UTRN: variants seen among roughly 807,000 people sequenced by gnomAD.
The protein encoded by UTRN is dystrophin-related protein 1.
Under a neutral mutation model 463.9 loss-of-function variants are expected in UTRN, and 283 were observed. The ratio of observed to expected loss-of-function variants is 0.61; its 90% confidence interval spans 0.55 to 0.67. UTRN has a LOEUF of 0.67. Among genes scored for constraint, UTRN ranks in the 30% least tolerant of loss-of-function variants. The probability of loss-of-function intolerance (pLI) is 0.00; values close to 1 mark genes in which losing one functional copy is unlikely to be tolerated. For missense variants in UTRN, 3,922 were observed against 4,084.3 expected, an observed-to-expected ratio of 0.96 and a Z score of 1.08; for synonymous variants, 1,442 against 1,431.5, an observed-to-expected ratio of 1.01 and a Z score of -0.17.
intron 54 of UTRN, among the ~76,000 whole-genome samples, chr6:144,732,277 T>TATATATATATACAC (rs1788740544): frequency 3.4e-4 from 30 of 88,754 alleles, no homozygotes; most frequent in Middle Eastern, 0.013. Flanking sequence ...TATATATATA[T>TATATATATATACAC]ACACACATAT....
chr6:144,364,466 T>G (rs1047560461), intron 2 of UTRN, among the ~76,000 whole-genome samples: 4 of 151,184 alleles, frequency 2.6e-5, no homozygotes, highest in African/African-American at 7.3e-5. Context: ...AATGTACTTA[T>G]AGCCAGCTGG....
chr6:144,823,669 CTA>C (rs1779786355), intron 66 of UTRN, among the ~76,000 whole-genome samples: 1 of 151,928 alleles, frequency 6.6e-6, no homozygotes, highest in Non-Finnish European at 1.5e-5. Flanking sequence ...AATTTTATAA[CTA>C]TGCAAAATTT....
intron 51 of UTRN, among the ~76,000 whole-genome samples, chr6:144,636,815 C>T (rs1156645330): frequency 1.3e-5 from 2 of 152,148 alleles, no homozygotes; most frequent in Non-Finnish European, 2.9e-5. Context: ...TTCTCTCTCT[C>T]ACTGGTCTTG....
At position 144,397,816 on chromosome 6, in the gene UTRN, C is replaced by G. The variant is rs1418737883; in HGVS notation, c.80-5307C>G. ...GGAAGTGCATTGAACACAGGCTCCA[C>G]AGTCAGTTAGACCTGGTTCTCTCTG... On this transcript the variant is annotated intron_variant, in intron 2 of 74. Transcript: ENST00000367545. 4 of 152,398 alleles carry G rather than the reference C, an allele frequency of 2.6e-5. No homozygotes were observed. The East Asian group carries it at 7.7e-4, about 29-fold the overall frequency. 9.4% of individuals were successfully genotyped at this position (152,398 alleles called of 1,614,324 possible).
chr6:144,479,104 G>A (rs964224790), intron 25 of UTRN, among the ~76,000 whole-genome samples: 2 of 146,218 alleles, frequency 1.4e-5, no homozygotes, highest in African/African-American at 5.1e-5. Context: ...CATTTTGATT[G>A]CTTCTAGGGG....
rs1357857237 is a variant in UTRN at position 144,462,882 on chromosome 6, A to C, written c.3066+16A>C. 3 of 1,582,698 alleles carry C rather than the reference A, an allele frequency of 1.9e-6. No homozygotes were observed. Among genetic ancestry groups the C allele is most frequent in the South Asian group, 1.2e-5 (1 of 84,952 alleles). ...AGCTTTTGAGGTAAATCCAGAGGCC[A>C]CTGGGAGTTTAAGTTTATTACGGGG... On this transcript the variant is annotated intron_variant, in intron 23 of 74. Transcript: ENST00000367545.
At chr6:144,507,676 C>T (rs984335441) in intron 34 of UTRN, among the ~76,000 whole-genome samples, 2 of 152,144 alleles carry the variant, frequency 1.3e-5, no homozygotes, top group East Asian at 1.9e-4. Flanking sequence ...CCAGCTGGAG[C>T]TCTCCTATAT....
At chr6:144,714,245 T>C (rs977407376) in intron 53 of UTRN, among the ~76,000 whole-genome samples, 3 of 152,230 alleles carry the variant, frequency 2.0e-5, no homozygotes, top group Non-Finnish European at 4.4e-5. Flanking sequence ...TTTTTTGCTG[T>C]CATTCTGTAA....
intron 2 of UTRN, among the ~76,000 whole-genome samples, chr6:144,373,324 T>C (rs1269674450): frequency 6.6e-6 from 1 of 152,046 alleles, no homozygotes; most frequent in East Asian, 1.9e-4. Flanking sequence ...TATAATGGAG[T>C]ATTATTCAGC....
At chr6:144,495,982 C>A (rs939034560) in intron 33 of UTRN, among the ~76,000 whole-genome samples, 11 of 152,090 alleles carry the variant, frequency 7.2e-5, no homozygotes, top group African/African-American at 1.9e-4. Context: ...CATCAGGGCT[C>A]TAGTAAATAA....
chr6:144,669,215 A>G (rs1349838451), intron 51 of UTRN, among the ~76,000 whole-genome samples: 1 of 152,204 alleles, frequency 6.6e-6, no homozygotes, highest in African/African-American at 2.4e-5. Flanking sequence ...GACACTCTAT[A>G]TCTTAAATTT....
intron 52 of UTRN, among the ~76,000 whole-genome samples, chr6:144,695,619 AGGCGT>A (rs1189694448): frequency 1.3e-5 from 2 of 152,246 alleles, no homozygotes; most frequent in African/African-American, 4.8e-5. Context: ...CTGGGATTAC[AGGCGT>A]GAGCCACTGC....
At chr6:144,590,017 G>A (rs1222856573) in intron 51 of UTRN, among the ~76,000 whole-genome samples, 3 of 151,520 alleles carry the variant, frequency 2.0e-5, no homozygotes, top group Non-Finnish European at 4.4e-5. Context: ...CCACCACACC[G>A]GGCTAATTTT....
intron 54 of UTRN, among the ~76,000 whole-genome samples, chr6:144,733,506 TCAA>T (rs1174150232): frequency 2.6e-5 from 2 of 76,058 alleles, no homozygotes; most frequent in Non-Finnish European, 2.1e-5. Flanking sequence ...AAACTCCATC[TCAA>T]AAAAAAAAAA....
At chr6:144,721,959 T>C (rs1184695119) in intron 53 of UTRN, among the ~76,000 whole-genome samples, 2 of 152,174 alleles carry the variant, frequency 1.3e-5, no homozygotes, top group Non-Finnish European at 1.5e-5. Context: ...ATTTTCAGAT[T>C]AGGGATGCTC....
At chr6:144,471,279 G>A (rs1790633101) in intron 23 of UTRN, among the ~76,000 whole-genome samples, 1 of 152,140 alleles carries the variant, frequency 6.6e-6, no homozygotes. Context: ...CCAGTGACTG[G>A]AGTAGTTAAG....
In UTRN at chr6:144,287,744, C is replaced by A. The variant is rs1803835340; in HGVS notation, c.-93+1923C>A. Among the ~76,000 whole-genome samples, 4 of 152,108 alleles carry A rather than the reference C, an allele frequency of 2.6e-5. No homozygotes were observed. In the South Asian group the frequency reaches 8.3e-4, roughly 31 times the overall value. On this transcript the variant is annotated intron_variant, in intron 1 of 74. Transcript: ENST00000367545. ...TGGTGGTCCATATGACAGCCGGAAG[C>A]GTTCTGAAGGGAGAGTTAGTGAATA...
At chr6:144,827,784 C>T (rs1780320881) in intron 68 of UTRN, 108 bp downstream of exon 68, 15 of 1,321,244 alleles carry the variant, frequency 1.1e-5, no homozygotes, top group Non-Finnish European at 1.5e-5. Flanking sequence ...TGCAGTTTTG[C>T]AGGAGTTATG....
chr6:144,773,542 A>G (rs1489871887), intron 59 of UTRN, among the ~76,000 whole-genome samples: 2 of 152,242 alleles, frequency 1.3e-5, no homozygotes, highest in African/African-American at 4.8e-5. Context: ...AGAAAAGCAC[A>G]AGAAATTTAC....
Sources: allele counts gnomAD v4.1 joint callset (sites outside exome capture counted in the v4.1 genomes callset), GRCh38; gene constraint gnomAD v4.1.1; transcripts MANE v1.5; gene names NCBI Gene and HGNC (gene_info 2026-07-23, HGNC 2026-07-21).